PALS2: variants seen among roughly 807,000 people sequenced by gnomAD.
PALS2 encodes protein associated with LIN7 2, MAGUK p55 family member.
PALS2 carries 27 observed loss-of-function variants against 61.6 expected under a neutral mutation model. The ratio of observed to expected loss-of-function variants is 0.44; its 90% CI spans 0.32 to 0.60. The LOEUF (loss-of-function observed/expected upper bound fraction) is 0.60, where lower values mean the gene tolerates loss of function less well. PALS2 is among the 20% of genes least tolerant of loss of function. PALS2 has a pLI of 0.05. For synonymous variants in PALS2, 236 were observed against 218.6 expected (o/e 1.08, Z -0.70); for missense variants, 554 against 639.4 (o/e 0.87, Z 1.44).
chr7:24,650,782 A>G (rs1041488761), intron 5 of PALS2, 70 bp downstream of exon 5: 48 of 1,054,494 alleles, frequency 4.6e-5, no homozygotes, highest in Admixed American at 2.2e-4. Flanking sequence ...GGAAATAACT[A>G]TCAGTTGCTA....
chr7:24,584,123 C>T (rs1243847619), intron 1 of PALS2, among the ~76,000 whole-genome samples: 224 of 149,108 alleles, frequency 1.5e-3, no homozygotes, highest in African/African-American at 3.9e-3. Context: ...AATAAACATA[C>T]GTGTGCATGT....
rs749702785 is a variant in PALS2, at chr7:24,641,785, A to G, written c.187A>G (p.Ile63Val). The G allele has an allele frequency of 1.2e-6, 2 of 1,613,064 alleles. No individual in the cohort carries two copies. The highest frequency in any genetic ancestry group is 1.3e-5 in the African/African-American group (1 of 75,020). ...SDNNLELVNE[I>V]LEDITPLINV... The stretch of plus-strand genomic sequence containing the variant: ...CAATAACTTGGAATTAGTCAATGAA[A>G]TTCTTGAAGACATCACTCCTCTAAT... The change falls in exon 3 of 12, where the codon ATT becomes GTT. Residue 63 changes from isoleucine (I) to valine (V), a missense_variant. Ile to Val is a conservative substitution (Grantham distance 29, BLOSUM62 3). Transcript: ENST00000222644.
intron 1 of PALS2, among the ~76,000 whole-genome samples, chr7:24,619,509 G>C (rs1055524210): frequency 6.6e-6 from 1 of 151,824 alleles, no homozygotes; most frequent in South Asian, 2.1e-4. Context: ...GGAGGTCAGG[G>C]GATGGAGACC....
intron 10 of PALS2, among the ~76,000 whole-genome samples, chr7:24,679,837 C>G (rs1236663678): frequency 6.6e-6 from 1 of 152,084 alleles, no homozygotes; most frequent in South Asian, 2.1e-4. Context: ...TCTTATGTCT[C>G]TTTCTAGTCA....
intron 1 of PALS2, among the ~76,000 whole-genome samples, chr7:24,594,112 A>T (rs773862071): frequency 5.3e-5 from 8 of 152,070 alleles, no homozygotes; most frequent in African/African-American, 7.2e-5. Flanking sequence ...GCTTCACCTT[A>T]CACTTTTATG....
chr7:24,640,689 T>C (rs750478682), intron 2 of PALS2, among the ~76,000 whole-genome samples: 19 of 152,154 alleles, frequency 1.2e-4, no homozygotes, highest in Non-Finnish European at 2.4e-4. Flanking sequence ...AACACTCGGC[T>C]TTACTCCTAC....
intron 1 of PALS2, among the ~76,000 whole-genome samples, chr7:24,580,587 T>C (rs1168111951): frequency 6.6e-6 from 1 of 152,176 alleles, no homozygotes; most frequent in South Asian, 2.1e-4. Flanking sequence ...TATTCAGGCA[T>C]GGTTCTCCAA....
intron 9 of PALS2, among the ~76,000 whole-genome samples, chr7:24,676,855 G>T (rs950129140): frequency 2.0e-5 from 3 of 151,054 alleles, no homozygotes; most frequent in African/African-American, 5.0e-5. Flanking sequence ...ACTTGGTGAT[G>T]CAGGCTCTCT....
rs1274329385 is a variant in PALS2, at chr7:24,691,405, G to GTGTGTGTGTGTATA, written c.*3792_*3793insGTGTGTGTGTATAT. ...ATATTATGTATGTGTGTGTGTGTGTGTATATATATATATATATATATATAT... is the reference window on the plus strand; with the variant it reads ...ATATTATGTATGTGTGTGTGTGTGTGTGTGTGTGTGTATATATATATATATATATATATATATAT... On this transcript the variant is annotated 3_prime_UTR_variant, in exon 12 of 12. Coordinates refer to ENST00000222644, the MANE Select transcript of PALS2 (RefSeq NM_001303037.2). 2.7e-5 allele frequency: 3 copies of GTGTGTGTGTGTATA among 110,590 alleles called. No homozygotes were observed. Among genetic ancestry groups the GTGTGTGTGTGTATA allele is most frequent in the African/African-American group, 9.3e-5 (3 of 32,334 alleles). The allele number at this position is 110,590 out of a possible 1,614,324, so 6.9% of individuals were successfully genotyped here.
chr7:24,582,260 C>T (rs1023220278), intron 1 of PALS2, among the ~76,000 whole-genome samples: 1 of 152,144 alleles, frequency 6.6e-6, no homozygotes, highest in Non-Finnish European at 1.5e-5. Context: ...GTATCAAATA[C>T]AGCATATGAT....
At position 24,650,541 on chromosome 7, in the gene PALS2, G is replaced by A. The variant is rs1345574042; in HGVS notation, c.480G>A (p.Gly160=). 2 of 1,613,330 alleles carry A rather than the reference G, an allele frequency of 1.2e-6. No homozygotes were observed. The highest frequency in any genetic ancestry group is 1.7e-5 in the Admixed American group (1 of 59,880). ...TGGTAATTGCCCGAATCCTCCATGGGGGAATGATAGATCGACAAGGTCTAC... is the reference window on the plus strand; with the variant it reads ...TGGTAATTGCCCGAATCCTCCATGGAGGAATGATAGATCGACAAGGTCTAC... ...NDLVIARILH[G]GMIDRQGLLH... is the part of the protein sequence containing the mutation. Residue 160 remains glycine (G), a synonymous_variant, in exon 5 of 12, where the codon GGG becomes GGA. Coordinates refer to ENST00000222644, the MANE Select transcript of PALS2 (RefSeq NM_001303037.2).
chr7:24,636,493 G>A (rs1785246184), intron 2 of PALS2, among the ~76,000 whole-genome samples: 1 of 152,124 alleles, frequency 6.6e-6, no homozygotes, highest in Non-Finnish European at 1.5e-5. Flanking sequence ...AAATAACTAT[G>A]TAATACATAT....
rs367608911 is a variant in PALS2 at position 24,623,958 on chromosome 7, T to G, written c.117+174T>G. On this transcript the variant is annotated intron_variant, in intron 2 of 11. Coordinates refer to ENST00000222644, the MANE Select transcript of PALS2 (RefSeq NM_001303037.2). ...ATATGCAAAAATTAGACCATTTTTCTCTTTTCTACTCTGACTTTAAATACA... is the reference window on the plus strand; with the variant it reads ...ATATGCAAAAATTAGACCATTTTTCGCTTTTCTACTCTGACTTTAAATACA... 2.2e-4 allele frequency: 222 copies of G among 1,019,974 alleles called. No homozygotes were observed. In the East Asian group the frequency reaches 4.3e-3, roughly 20 times the overall value. The allele number at this position is 1,019,974 out of a possible 1,614,324, so 63.2% of individuals were successfully genotyped here.
intron 1 of PALS2, among the ~76,000 whole-genome samples, chr7:24,580,216 C>T (rs1562595549): frequency 1.3e-5 from 2 of 152,018 alleles, no homozygotes; most frequent in Non-Finnish European, 2.9e-5. Context: ...TCATTTTTAC[C>T]ATGAAGTGAC....
At chr7:24,625,346 A>C (rs2128058678) in intron 2 of PALS2, among the ~76,000 whole-genome samples, 1 of 152,338 alleles carries the variant, frequency 6.6e-6, no homozygotes, top group East Asian at 1.9e-4. Flanking sequence ...TTTTAAAACT[A>C]TATAATGCAC....
At chr7:24,614,645 C>T (rs1200371917) in intron 1 of PALS2, among the ~76,000 whole-genome samples, 1 of 151,910 alleles carries the variant, frequency 6.6e-6, no homozygotes, top group African/African-American at 2.4e-5. Flanking sequence ...TAGTTGGAAA[C>T]TTCAGCATCC....
intron 1 of PALS2, among the ~76,000 whole-genome samples, chr7:24,600,472 C>T (rs998657104): frequency 4.6e-5 from 7 of 152,040 alleles, no homozygotes; most frequent in Admixed American, 3.9e-4. Flanking sequence ...TTAAGTATAA[C>T]ATATAATATT....
At chr7:24,644,687 G>T (rs891462428) in intron 3 of PALS2, among the ~76,000 whole-genome samples, 1 of 151,950 alleles carries the variant, frequency 6.6e-6, no homozygotes, top group Non-Finnish European at 1.5e-5. Context: ...GGGTCAAATG[G>T]TAGTTCTGCT....
At chr7:24,686,701 A>G (rs1470693108) in intron 11 of PALS2, among the ~76,000 whole-genome samples, 2 of 152,168 alleles carry the variant, frequency 1.3e-5, no homozygotes, top group African/African-American at 2.4e-5. Context: ...ATTCATTGTC[A>G]TACCCACTGA....
Sources: gnomAD v4.1 joint callset for allele counts (sites outside exome capture counted in the v4.1 genomes callset) on GRCh38, gnomAD v4.1.1 for gene constraint, MANE v1.5 for transcripts, NCBI Gene and HGNC (gene_info 2026-07-23, HGNC 2026-07-21) for gene names.